MAGI1: variants seen among roughly 807,000 people sequenced by gnomAD.
The protein encoded by MAGI1 is membrane-associated guanylate kinase, WW and PDZ domain-containing protein 1.
MAGI1 carries 58 observed loss-of-function variants against 139.9 expected under a neutral mutation model. That is an observed-to-expected ratio of 0.41 (90% confidence interval 0.34 to 0.52). The LOEUF is 0.52. Among genes scored for constraint, MAGI1 ranks in the 20% least tolerant of loss-of-function variants. The pLI, the probability that MAGI1 is intolerant of heterozygous loss-of-function variation, is 0.12. For synonymous variants in MAGI1, 812 were observed against 737.9 expected (o/e 1.10, Z -1.63); for missense variants, 1,874 against 1,901.6 (o/e 0.99, Z 0.27).
At chr3:65,987,733 C>T (rs552520623) in intron 1 of MAGI1, among the ~76,000 whole-genome samples, 1 of 69,696 alleles carries the variant, frequency 1.4e-5, no homozygotes, top group Admixed American at 1.7e-4. Context: ...CCATGCCCAG[C>T]TAATTTTGCA....
In MAGI1 at chr3:65,493,668, A is replaced by G. The variant is rs368180688; in HGVS notation, c.431-37T>C. 137 of 1,612,040 alleles carry G rather than the reference A, an allele frequency of 8.5e-5. 1 individual carries two copies. The highest frequency in any genetic ancestry group is 5.7e-4 in the South Asian group (52 of 91,048). On this transcript the variant is annotated intron_variant, in intron 2 of 22. Transcript: ENST00000402939. Reference sequence around the variant, plus strand: ...AATACAAAGGCACAACAAACCATCAATCAACTAAAACAGGAAGTTCCACAT... The same window carrying G: ...AATACAAAGGCACAACAAACCATCAGTCAACTAAAACAGGAAGTTCCACAT...
chr3:65,950,078 C>CAAAAAAAAAAAAAAAA (rs751496271), intron 1 of MAGI1, among the ~76,000 whole-genome samples: 3 of 40,338 alleles, frequency 7.4e-5, no homozygotes, highest in African/African-American at 3.3e-4. Flanking sequence ...AAAAAAAAAA[C>CAAAAAAAAAAAAAAAA]AAAAAAAAAA....
rs531563983 is a variant in MAGI1, at chr3:65,627,594, G to A, written c.314-5506C>T. ...GCGATCTTGGCTCACTGCAAGTTCC[G>A]CCTCCCGGGTTCACGCCATCCTCCT... On this transcript the variant is annotated intron_variant, in intron 1 of 22. Transcript: ENST00000402939. Among the ~76,000 whole-genome samples, 172 of 128,658 alleles carry A rather than the reference G, an allele frequency of 1.3e-3. 2 individuals are homozygous for A. Among genetic ancestry groups the A allele is most frequent in the African/African-American group, 4.2e-3 (148 of 35,040 alleles). The allele number at this position is 128,658 out of a possible 152,430, so 84.4% of individuals were successfully genotyped here.
intron 1 of MAGI1, among the ~76,000 whole-genome samples, chr3:65,701,027 A>G (rs2089567593): frequency 6.6e-6 from 1 of 152,152 alleles, no homozygotes; most frequent in Non-Finnish European, 1.5e-5. Context: ...CTCATTACCA[A>G]CTTGGAAACA....
intron 2 of MAGI1, among the ~76,000 whole-genome samples, chr3:65,610,533 T>TC: frequency 6.6e-6 from 1 of 151,898 alleles, no homozygotes; most frequent in Non-Finnish European, 1.5e-5. Context: ...TCTTTTTTTT[T>TC]CCCAAGTCAC....
At chr3:65,627,414 T>C (rs2084028199) in intron 1 of MAGI1, among the ~76,000 whole-genome samples, 1 of 150,336 alleles carries the variant, frequency 6.7e-6, no homozygotes, top group Non-Finnish European at 1.5e-5. Context: ...TCTAAGACAA[T>C]TTTATATTTT....
chr3:65,665,653 T>C (rs192263605), intron 1 of MAGI1, among the ~76,000 whole-genome samples: 223 of 152,280 alleles, frequency 1.5e-3, no homozygotes, highest in African/African-American at 4.8e-3. Flanking sequence ...TATTTGCTAA[T>C]TAAGTGTTCA....
intron 1 of MAGI1, among the ~76,000 whole-genome samples, chr3:66,010,711 G>C (rs879915480): frequency 6.6e-6 from 1 of 152,138 alleles, no homozygotes; most frequent in African/African-American, 2.4e-5. Context: ...AGAATTTCCA[G>C]TTTGTGGTAT....
chr3:65,597,939 G>GGGGC, intron 2 of MAGI1: 1 of 432,808 alleles, frequency 2.3e-6, no homozygotes, highest in African/African-American at 2.1e-5. Context: ...GGGGGGGTGG[G>GGGGC]ACCGAACCCC....
chr3:65,686,995 A>G (rs1559786713), intron 1 of MAGI1, among the ~76,000 whole-genome samples: 3 of 152,194 alleles, frequency 2.0e-5, no homozygotes, highest in Non-Finnish European at 2.9e-5. Flanking sequence ...CAGTGATTCT[A>G]TGTATAGGTG....
intron 1 of MAGI1, among the ~76,000 whole-genome samples, chr3:66,031,457 G>A (rs528535861): frequency 1.6e-4 from 25 of 152,148 alleles, no homozygotes; most frequent in African/African-American, 5.5e-4. Context: ...CAAGAAACAC[G>A]GTGAGCCAAC....
intron 18 of MAGI1, among the ~76,000 whole-genome samples, chr3:65,367,725 A>G (rs1300700619): frequency 1.3e-5 from 2 of 152,244 alleles, no homozygotes; most frequent in Admixed American, 1.3e-4. Flanking sequence ...GATACTGGGA[A>G]TTAAACCCAG....
At chr3:65,460,776 C>T (rs1949727982) in intron 5 of MAGI1, among the ~76,000 whole-genome samples, 1 of 152,096 alleles carries the variant, frequency 6.6e-6, no homozygotes, top group Non-Finnish European at 1.5e-5. Context: ...TCAACTCCCA[C>T]TTATAAGTGA....
intron 1 of MAGI1, among the ~76,000 whole-genome samples, chr3:65,907,066 AAAC>A (rs2108650547): frequency 6.6e-6 from 1 of 152,184 alleles, no homozygotes; most frequent in African/African-American, 2.4e-5. Flanking sequence ...AAAAAAAAAA[AAAC>A]ACTCCACTTG....
rs531374387 is a variant in MAGI1 at position 65,886,859 on chromosome 3, G to A, written c.313+151137C>T. On this transcript the variant is annotated intron_variant, in intron 1 of 22. Coordinates refer to ENST00000402939, the MANE Select transcript of MAGI1 (RefSeq NM_001033057.2). ...ATGTTGGCTGATACACAGAAAGCTTGAACAAAATAACCAGTATTGAACCAG... is the reference window on the plus strand; with the variant it reads ...ATGTTGGCTGATACACAGAAAGCTTAAACAAAATAACCAGTATTGAACCAG... Among the ~76,000 whole-genome samples, 3 of 152,258 alleles carry A rather than the reference G, an allele frequency of 2.0e-5. No individual in the cohort carries two copies. The East Asian group carries it at 5.8e-4, about 29-fold the overall frequency.
intron 18 of MAGI1, among the ~76,000 whole-genome samples, chr3:65,375,174 G>T (rs1245520967): frequency 6.7e-6 from 1 of 149,750 alleles, no homozygotes; most frequent in African/African-American, 2.5e-5. Context: ...AAAGGGTGAA[G>T]ATTTTTCTGA....
At chr3:65,833,295 T>A (rs2042628028) in intron 1 of MAGI1, among the ~76,000 whole-genome samples, 1 of 152,014 alleles carries the variant, frequency 6.6e-6, no homozygotes, top group Non-Finnish European at 1.5e-5. Flanking sequence ...ATTTTTGTAG[T>A]TTTAGTAGAG....
At chr3:65,946,458 T>C (rs2106894913) in intron 1 of MAGI1, among the ~76,000 whole-genome samples, 1 of 152,252 alleles carries the variant, frequency 6.6e-6, no homozygotes, top group African/African-American at 2.4e-5. Context: ...GGTTTTTTTT[T>C]CCGTTGGGCA....
At chr3:65,747,212 G>A (rs2107805477) in intron 1 of MAGI1, among the ~76,000 whole-genome samples, 1 of 152,268 alleles carries the variant, frequency 6.6e-6, no homozygotes, top group Non-Finnish European at 1.5e-5. Flanking sequence ...CTGTGTTTAG[G>A]GGACCCTCTG....
Sources: allele counts gnomAD v4.1 joint callset (sites outside exome capture counted in the v4.1 genomes callset), GRCh38; gene constraint gnomAD v4.1.1; transcripts MANE v1.5; gene names NCBI Gene and HGNC (gene_info 2026-07-23, HGNC 2026-07-21).